Variants in HNF4G observed in about 807,000 individuals in gnomAD.
HNF4G encodes the protein hepatocyte nuclear factor 4-gamma.
Under a neutral mutation model 50.9 loss-of-function variants are expected in HNF4G, and 21 were observed. The observed-to-expected ratio is 0.41, with a 90% CI of 0.29 to 0.59. HNF4G has a LOEUF of 0.59. HNF4G is among the 20% of genes least tolerant of loss of function. The probability of loss-of-function intolerance (pLI) is 0.26; values close to 1 mark genes in which losing one functional copy is unlikely to be tolerated. For missense variants in HNF4G, 527 were observed against 559.4 expected (o/e 0.94, Z 0.58); for synonymous variants, 198 against 185.6 (o/e 1.07, Z -0.54).
intron 1 of HNF4G, among the ~76,000 whole-genome samples, chr8:75,421,989 C>T (rs1291030091): frequency 6.6e-6 from 1 of 152,236 alleles, no homozygotes; most frequent in African/African-American, 2.4e-5. Flanking sequence ...AGTTACTTAC[C>T]TGTTCATTAT....
rs578070113 is a variant in HNF4G, at chr8:75,560,428, T to A, written c.1208T>A (p.Leu403Ter). Residue 403 changes from leucine (L) to a stop codon, truncating the protein, a stop_gained, in exon 9 of 10, where the codon TTA (leucine) becomes TAA (stop). Transcript: ENST00000396423. LOFTEE classifies it high-confidence loss of function. ...CCATTAACTGGACAAACTATACTTT[T>A]AGGTCCCATGTCAACACTGGTTCAT... ...QDPLTGQTIL[L>*]GPMSTLVHAD... 6 of 1,613,360 alleles carry A rather than the reference T, an allele frequency of 3.7e-6. No homozygotes were observed. The South Asian group carries it at 6.6e-5, about 18-fold the overall frequency.
chr8:75,564,191 G>A lies in HNF4G; in HGVS notation c.*95G>A. ...GCACTTTTGGCAAACTCTTAGCCAAGGCTTCTTCATTGGTGCTGTTATAAG... is the reference window on the plus strand; with the variant it reads ...GCACTTTTGGCAAACTCTTAGCCAAAGCTTCTTCATTGGTGCTGTTATAAG... On this transcript the variant is annotated 3_prime_UTR_variant, in exon 10 of 10. Transcript: ENST00000396423. 5 of 1,292,608 alleles carry A rather than the reference G, an allele frequency of 3.9e-6. No homozygotes were observed. Among genetic ancestry groups the A allele is most frequent in the East Asian group, 2.4e-5 (1 of 42,490 alleles). The allele number at this position is 1,292,608 out of a possible 1,614,324, so 80.1% of individuals were successfully genotyped here.
chr8:75,493,778 A>G (rs1349515018), intron 2 of HNF4G, among the ~76,000 whole-genome samples: 1 of 152,158 alleles, frequency 6.6e-6, no homozygotes. Flanking sequence ...AACAATTAGA[A>G]AACTTTTTTG....
At chr8:75,468,124 A>G (rs1812026926) in intron 1 of HNF4G, among the ~76,000 whole-genome samples, 1 of 152,202 alleles carries the variant, frequency 6.6e-6, no homozygotes, top group Non-Finnish European at 1.5e-5. Context: ...ATTTTAATAT[A>G]TCTTCCACTA....
intron 1 of HNF4G, among the ~76,000 whole-genome samples, chr8:75,417,963 A>G (rs2130479956): frequency 1.1e-5 from 1 of 92,592 alleles, no homozygotes; most frequent in Middle Eastern, 4.6e-3. Flanking sequence ...GTGTGTCTAC[A>G]CACACACACA....
At chr8:75,508,212 G>C (rs1420207955) in intron 2 of HNF4G, among the ~76,000 whole-genome samples, 1 of 152,052 alleles carries the variant, frequency 6.6e-6, no homozygotes, top group Middle Eastern at 3.2e-3. Flanking sequence ...TGGGCCGGGA[G>C]CTCCTTTCCT....
chr8:75,517,731 C>A (rs554172000), intron 2 of HNF4G, among the ~76,000 whole-genome samples: 2 of 152,126 alleles, frequency 1.3e-5, no homozygotes, highest in East Asian at 3.9e-4. Context: ...CTAAGTTCTG[C>A]GGCTTTTCCA....
chr8:75,558,877 C>T lies in HNF4G; in HGVS notation c.963C>T (p.Ile321=), dbSNP rs759063906. The T allele has an allele frequency of 6.2e-7, 1 of 1,613,990 alleles. No individual in the cohort carries two copies. The highest frequency in any genetic ancestry group is 1.1e-5 in the South Asian group (1 of 91,088). The change falls in exon 8 of 10, where the codon ATC becomes ATT. Residue 321 remains isoleucine (I), a synonymous_variant. Coordinates refer to ENST00000396423, the MANE Select transcript of HNF4G (RefSeq NM_004133.5). The part of the protein sequence containing the change: ...FQVQIGLEDY[I]NDRQYDSRGR... ...TGCAGATCGGTTTGGAGGACTACAT[C>T]AATGATCGGCAGTATGACTCCCGGG... is the stretch of plus-strand genomic sequence containing the variant.
At chr8:75,556,268 G>A (rs577623608) in intron 6 of HNF4G, among the ~76,000 whole-genome samples, 199 bp downstream of exon 6, 2 of 152,076 alleles carry the variant, frequency 1.3e-5, no homozygotes, top group East Asian at 3.9e-4. Flanking sequence ...GAGTCCATGA[G>A]ACAATCAGGG....
At chr8:75,431,880 C>T (rs1276931010) in intron 1 of HNF4G, among the ~76,000 whole-genome samples, 4 of 151,466 alleles carry the variant, frequency 2.6e-5, no homozygotes, top group African/African-American at 9.7e-5. Context: ...GAGCCAAGAT[C>T]GCACCATTGC....
At chr8:75,430,761 G>A (rs1810997855) in intron 1 of HNF4G, among the ~76,000 whole-genome samples, 1 of 152,086 alleles carries the variant, frequency 6.6e-6, no homozygotes, top group Non-Finnish European at 1.5e-5. Context: ...TTTAAATAAA[G>A]GTCCCACATA....
chr8:75,555,976 A>C lies in HNF4G; in HGVS notation c.646-6A>C. The C allele has an allele frequency of 6.8e-7, 1 of 1,478,252 alleles. No homozygotes were observed. Among genetic ancestry groups the C allele is most frequent in the Non-Finnish European group, 9.1e-7 (1 of 1,097,418 alleles). The allele number at this position is 1,478,252 out of a possible 1,614,324, so 91.6% of individuals were successfully genotyped here. The stretch of plus-strand genomic sequence containing the variant: ...TTAATTGTTAAACTGAGAATTTTTC[A>C]TTAAGGTGGCACTGTTGAGAGCTCA... On this transcript the variant is annotated splice_polypyrimidine_tract_variant and splice_region_variant and intron_variant, in intron 5 of 9. Coordinates refer to ENST00000396423, the MANE Select transcript of HNF4G (RefSeq NM_004133.5).
At chr8:75,532,170 A>G (rs1439393841) in intron 2 of HNF4G, among the ~76,000 whole-genome samples, 4 of 152,036 alleles carry the variant, frequency 2.6e-5, no homozygotes, top group Non-Finnish European at 5.9e-5. Context: ...GGAACTGCAC[A>G]TGTTATTTTG....
intron 1 of HNF4G, among the ~76,000 whole-genome samples, chr8:75,449,683 A>G (rs1239524196): frequency 6.6e-6 from 1 of 151,240 alleles, no homozygotes; most frequent in Non-Finnish European, 1.5e-5. Context: ...ATTTTTTTGT[A>G]TTTTTAGTAG....
At chr8:75,530,080 T>C (rs1469624993) in intron 2 of HNF4G, among the ~76,000 whole-genome samples, 1 of 151,984 alleles carries the variant, frequency 6.6e-6, no homozygotes, top group Non-Finnish European at 1.5e-5. Flanking sequence ...AGAATCAGAG[T>C]TCCAACCAAG....
At chr8:75,418,210 C>A (rs1810687310) in intron 1 of HNF4G, among the ~76,000 whole-genome samples, 1 of 152,082 alleles carries the variant, frequency 6.6e-6, no homozygotes, top group Non-Finnish European at 1.5e-5. Flanking sequence ...GATTGGTGTG[C>A]TGTCTGTGTC....
chr8:75,416,858 C>T (rs1006784566), intron 1 of HNF4G, among the ~76,000 whole-genome samples: 2 of 152,114 alleles, frequency 1.3e-5, no homozygotes, highest in Admixed American at 6.6e-5. Flanking sequence ...GTTAAATACA[C>T]GTGATTCAAG....
intron 1 of HNF4G, among the ~76,000 whole-genome samples, chr8:75,429,300 C>G (rs539790160): frequency 3.1e-4 from 47 of 152,170 alleles, no homozygotes; most frequent in Middle Eastern, 6.8e-3. Flanking sequence ...AGTTATGTTT[C>G]AACAATGTAT....
chr8:75,501,361 A>C (rs1812921349), intron 2 of HNF4G, among the ~76,000 whole-genome samples: 1 of 152,168 alleles, frequency 6.6e-6, no homozygotes, highest in Non-Finnish European at 1.5e-5. Flanking sequence ...CCAGAGGCTC[A>C]GCCCAGGAGT....
Sources: allele counts gnomAD v4.1 joint callset (sites outside exome capture counted in the v4.1 genomes callset), GRCh38; gene constraint gnomAD v4.1.1; transcripts MANE v1.5; gene names NCBI Gene and HGNC (gene_info 2026-07-23, HGNC 2026-07-21).